EBF3: variants seen among roughly 807,000 people sequenced by gnomAD.
The protein encoded by EBF3 is EBF transcription factor 3, also known as transcription factor COE3.
In EBF3, 18 loss-of-function variants were observed where a neutral mutation model predicts 77.1. That is an observed-to-expected ratio of 0.23 (90% CI 0.16 to 0.35). EBF3 has a LOEUF of 0.35. EBF3 is among the 10% of genes least tolerant of loss of function. EBF3 has a pLI of 1.00. For synonymous variants in EBF3, 350 were observed against 343.5 expected, an observed-to-expected ratio of 1.02 and a Z score of -0.21; for missense variants, 558 against 860.0, an observed-to-expected ratio of 0.65 and a Z score of 4.39.
At chr10:129,883,413 A>G (rs947088090) in intron 6 of EBF3, among the ~76,000 whole-genome samples, 3 of 152,316 alleles carry the variant, frequency 2.0e-5, no homozygotes, top group Admixed American at 1.3e-4. Context: ...GGGAAATCAG[A>G]GTCAAGAATA....
At chr10:129,844,424 A>G (rs1321280605) in intron 11 of EBF3, among the ~76,000 whole-genome samples, 1 of 152,168 alleles carries the variant, frequency 6.6e-6, no homozygotes, top group Non-Finnish European at 1.5e-5. Flanking sequence ...TCACATAAGC[A>G]GATTTCAGCC....
In EBF3 at chr10:129,848,362, G is replaced by A. The variant is rs1850623623; in HGVS notation, c.1128+30C>T. On this transcript the variant is annotated intron_variant, in intron 11 of 16. Transcript: ENST00000440978. The surrounding 1 kb of genome is among the most constrained non-coding windows in gnomAD (Gnocchi z 4.4). ...ACCAGCCCAGTGGCGGCCCCACCAT[G>A]AGCGGGGTGCCACTTGCTCTTTTAC... 6.2e-7 allele frequency: 1 copy of A among 1,603,562 alleles called. No individual in the cohort carries two copies. Among genetic ancestry groups the A allele is most frequent in the African/African-American group, 1.3e-5 (1 of 74,694 alleles).
chr10:129,871,014 T>C (rs1213965954), intron 8 of EBF3, among the ~76,000 whole-genome samples: 2 of 152,218 alleles, frequency 1.3e-5, no homozygotes, highest in Non-Finnish European at 2.9e-5. Context: ...GATGTCCAGA[T>C]GGCTGGCTGA....
chr10:129,961,189 G>C (rs1032818411), intron 4 of EBF3, among the ~76,000 whole-genome samples: 2 of 152,206 alleles, frequency 1.3e-5, no homozygotes, highest in African/African-American at 4.8e-5. Flanking sequence ...AATTCTTAAA[G>C]TTAGCATCAA....
At chr10:129,950,568 T>G (rs1858601927) in intron 6 of EBF3, among the ~76,000 whole-genome samples, 2 of 152,232 alleles carry the variant, frequency 1.3e-5, no homozygotes, top group Non-Finnish European at 2.9e-5. Flanking sequence ...AACAGTTTTC[T>G]CAAGCTTCTA....
chr10:129,961,592 G>A (rs1319742509), intron 4 of EBF3, among the ~76,000 whole-genome samples: 1 of 152,204 alleles, frequency 6.6e-6, no homozygotes, highest in Non-Finnish European at 1.5e-5. Context: ...CAGTGGACGG[G>A]TTGGAGTGAC....
Position 129,963,730 on chromosome 10 carries a change from C to T in EBF3, c.39G>A (p.Thr13=). The T allele has an allele frequency of 4.6e-6, 7 of 1,535,284 alleles. No individual in the cohort carries two copies. Among genetic ancestry groups the T allele is most frequent in the Non-Finnish European group, 6.2e-6 (7 of 1,134,042 alleles). ...TGCCCAGCGGCTCCTCCTTCATGGTCGTCCCCCCGCGCGGAATATTCTCCT... is the reference window on the plus strand; with the variant it reads ...TGCCCAGCGGCTCCTCCTTCATGGTTGTCCCCCCGCGCGGAATATTCTCCT... ...GIQENIPRGG[T]TMKEEPLGSG... The change falls in exon 1 of 17, where the codon ACG becomes ACA. Residue 13 remains threonine (T), a synonymous_variant. Coordinates refer to ENST00000440978, the MANE Select transcript of EBF3 (RefSeq NM_001375380.1). The surrounding 1 kb of genome is among the most constrained non-coding windows in gnomAD (Gnocchi z 7.1).
chr10:129,945,935 G>A (rs909650414), intron 6 of EBF3, among the ~76,000 whole-genome samples: 2 of 151,966 alleles, frequency 1.3e-5, no homozygotes, highest in Non-Finnish European at 2.9e-5. Context: ...TACGTTTAGT[G>A]GAGGCCGCTG....
intron 15 of EBF3, among the ~76,000 whole-genome samples, chr10:129,840,011 C>T (rs900092429): frequency 6.6e-5 from 10 of 152,250 alleles, no homozygotes; most frequent in East Asian, 5.8e-4. Context: ...TAGGTGCCGT[C>T]GGAAGGGTGA....
intron 3 of EBF3, among the ~76,000 whole-genome samples, chr10:129,962,452 G>A (rs557569190): frequency 6.6e-6 from 1 of 152,060 alleles, no homozygotes; most frequent in Non-Finnish European, 1.5e-5. Context: ...GCATTTCAAG[G>A]TGCAAGGAAC....
At chr10:129,844,807 A>G (rs1850340301) in intron 11 of EBF3, among the ~76,000 whole-genome samples, 1 of 152,146 alleles carries the variant, frequency 6.6e-6, no homozygotes, top group Non-Finnish European at 1.5e-5. Flanking sequence ...ATAATCAATG[A>G]AAGGCCCAGC....
chr10:129,875,394 C>T (rs964170392), intron 7 of EBF3, among the ~76,000 whole-genome samples: 2 of 152,040 alleles, frequency 1.3e-5, no homozygotes, highest in Non-Finnish European at 2.9e-5. Context: ...GATGGGGTTT[C>T]ATCATGTTGG....
Position 129,837,631 on chromosome 10 carries a change from C to T in EBF3, c.*312G>A, listed in dbSNP as rs147983652. ...TTACTAGACATGGCCAAGACGGAGT[C>T]GGAAACTTTATACAAAATAGGCGTC... On this transcript the variant is annotated 3_prime_UTR_variant, in exon 17 of 17. Coordinates refer to ENST00000440978, the MANE Select transcript of EBF3 (RefSeq NM_001375380.1). 8.7e-5 allele frequency: 32 copies of T among 366,386 alleles called. No individual in the cohort carries two copies. The East Asian group carries it at 1.1e-3, about 13-fold the overall frequency. 22.7% of individuals were successfully genotyped at this position (366,386 alleles called of 1,614,324 possible).
At chr10:129,854,623 A>G (rs577833390) in intron 10 of EBF3, among the ~76,000 whole-genome samples, 1 of 152,342 alleles carries the variant, frequency 6.6e-6, no homozygotes, top group South Asian at 2.1e-4. Flanking sequence ...AGCCGATTGC[A>G]GGTGCAAATT....
At chr10:129,846,487 T>C (rs1295718224) in intron 11 of EBF3, among the ~76,000 whole-genome samples, 1 of 151,584 alleles carries the variant, frequency 6.6e-6, no homozygotes, top group African/African-American at 2.4e-5. Flanking sequence ...TCATCTCTCA[T>C]TTCTATTCTT....
chr10:129,948,455 C>T (rs192055809), intron 6 of EBF3, among the ~76,000 whole-genome samples: 5 of 152,150 alleles, frequency 3.3e-5, no homozygotes, highest in Admixed American at 1.3e-4. Context: ...CACGGCACTG[C>T]GATGGCAGGT....
At chr10:129,958,640 G>T (rs1469870302) in intron 5 of EBF3, among the ~76,000 whole-genome samples, 4 of 152,140 alleles carry the variant, frequency 2.6e-5, no homozygotes, top group African/African-American at 9.7e-5. Flanking sequence ...TGACTCCTCC[G>T]GCACCGCGGA....
Position 129,915,135 on chromosome 10 carries a change from G to C in EBF3, c.555-37286C>G, listed in dbSNP as rs150014596. Among the ~76,000 whole-genome samples, 769 of 152,300 alleles carry C rather than the reference G, an allele frequency of 5.0e-3. 12 individuals are homozygous for C. Among genetic ancestry groups the C allele is most frequent in the African/African-American group, 0.017 (717 of 41,560 alleles). On this transcript the variant is annotated intron_variant, in intron 6 of 16. Coordinates refer to ENST00000440978, the MANE Select transcript of EBF3 (RefSeq NM_001375380.1). ...CTCATGGACAGCACTGGGGCAGAGG[G>C]AGGGATGAGGGAGAAGAAACTGGAC...
intron 8 of EBF3, among the ~76,000 whole-genome samples, chr10:129,872,965 C>CA (rs1852505803): frequency 6.6e-6 from 1 of 152,048 alleles, no homozygotes; most frequent in Admixed American, 6.6e-5. Flanking sequence ...GTTGGTATTT[C>CA]ACCCCCTCCT....
Sources: allele counts gnomAD v4.1 joint callset (sites outside exome capture counted in the v4.1 genomes callset), GRCh38; gene constraint gnomAD v4.1.1; non-coding constraint Gnocchi (gnomAD v3.1); transcripts MANE v1.5; gene names NCBI Gene and HGNC (gene_info 2026-07-23, HGNC 2026-07-21).